Variants in RSRC2 observed in about 807,000 individuals in gnomAD.
RSRC2 encodes arginine and serine rich coiled-coil 2.
RSRC2 carries 5 observed loss-of-function variants against 61.3 expected under a neutral mutation model. The observed-to-expected ratio is 0.08, with a 90% confidence interval of 0.04 to 0.17. The LOEUF (loss-of-function observed/expected upper bound fraction) is 0.17. RSRC2 is among the 10% of genes least tolerant of loss of function. The pLI is 1.00. For missense variants in RSRC2, 381 were observed against 518.8 expected (o/e 0.73, Z 2.58); for synonymous variants, 202 against 166.5 (o/e 1.21, Z -1.64).
chr12:122,508,783 C>A (rs1457605363), intron 7 of RSRC2, among the ~76,000 whole-genome samples: 1 of 151,832 alleles, frequency 6.6e-6, no homozygotes, highest in South Asian at 2.1e-4. Flanking sequence ...ATGGAGAAAC[C>A]CCGTCTCTAC....
intron 5 of RSRC2, 44 bp downstream of exon 5, chr12:122,517,179 ACTCT>A (rs1210981692): frequency 3.7e-6 from 6 of 1,609,770 alleles, no homozygotes; most frequent in Non-Finnish European, 5.1e-6. Flanking sequence ...AGATAAACAG[ACTCT>A]CTGAGGGTCC....
chr12:122,524,107 TTC>T (rs1282537275), intron 1 of RSRC2, among the ~76,000 whole-genome samples: 2 of 152,188 alleles, frequency 1.3e-5, no homozygotes, highest in Non-Finnish European at 1.5e-5. Flanking sequence ...GAGTTCAACT[TTC>T]TCGTTTCACA....
chr12:122,506,825 G>T lies in RSRC2; in HGVS notation c.1125+9C>A. On this transcript the variant is annotated intron_variant, in intron 9 of 9. Coordinates refer to ENST00000331738, the MANE Select transcript of RSRC2 (RefSeq NM_023012.6). Reference sequence around the variant, plus strand: ...AATACAAAGATCCCCTGGCACATGTGAAACTCACCTTAATACCCATCAATT... The same window carrying T: ...AATACAAAGATCCCCTGGCACATGTTAAACTCACCTTAATACCCATCAATT... 1 of 1,533,408 alleles carries T rather than the reference G, an allele frequency of 6.5e-7. No homozygotes were observed. Among genetic ancestry groups the T allele is most frequent in the Non-Finnish European group, 9.0e-7 (1 of 1,108,404 alleles). 95.0% of individuals were successfully genotyped at this position (1,533,408 alleles called of 1,614,324 possible). A position where few individuals can be genotyped will look rare whatever the true frequency, so the allele number is the denominator to read the frequency against.
At chr12:122,509,401 G>T (rs1958330044) in intron 7 of RSRC2, among the ~76,000 whole-genome samples, 2 of 150,882 alleles carry the variant, frequency 1.3e-5, no homozygotes, top group African/African-American at 4.9e-5. Context: ...TGTGAGTCAG[G>T]ATTGTGCCAC....
At chr12:122,522,032 C>T (rs1959268363) in intron 2 of RSRC2, 111 bp downstream of exon 2, 2 of 1,164,270 alleles carry the variant, frequency 1.7e-6, no homozygotes, top group African/African-American at 1.6e-5. Flanking sequence ...GCATTACAGG[C>T]TTGAGCCACC....
chr12:122,513,249 T>A (rs1029998994), intron 6 of RSRC2, among the ~76,000 whole-genome samples: 1 of 130,694 alleles, frequency 7.7e-6, no homozygotes, highest in South Asian at 2.4e-4. Flanking sequence ...ATAAATAAAA[T>A]AAAATAAAAA....
chr12:122,504,228 AG>A lies in RSRC2; in HGVS notation c.*1298del. 6.6e-6 allele frequency: 1 copy of A among 152,208 alleles called. No individual in the cohort carries two copies. The highest frequency in any genetic ancestry group is 6.5e-5 in the Admixed American group (1 of 15,278). 9.4% of individuals were successfully genotyped at this position (152,208 alleles called of 1,614,324 possible). ...TGATGTTTTCCAAAGGATTTTTCAA[AG>A]GAAAGCCAAACCTTATTACTTTGCT... On this transcript the variant is annotated 3_prime_UTR_variant, in exon 10 of 10. Transcript: ENST00000331738.
rs940032155 is a variant in RSRC2, at chr12:122,507,050, T to C, written c.1036-127A>G. 4 of 680,920 alleles carry C rather than the reference T, an allele frequency of 5.9e-6. No homozygotes were observed. In the Admixed American group the frequency reaches 7.1e-5, roughly 12 times the overall value. 42.2% of individuals were successfully genotyped at this position (680,920 alleles called of 1,614,324 possible). On this transcript the variant is annotated intron_variant, in intron 8 of 9. Transcript: ENST00000331738. ...TAGCATTCAATCAATGTAAGTTTAATTATTTCAAGACTTAAGAAACCACAA... is the reference window on the plus strand; with the variant it reads ...TAGCATTCAATCAATGTAAGTTTAACTATTTCAAGACTTAAGAAACCACAA...
intron 1 of RSRC2, among the ~76,000 whole-genome samples, 163 bp downstream of exon 1, chr12:122,526,685 C>T (rs1445148298): frequency 6.6e-6 from 1 of 152,026 alleles, no homozygotes; most frequent in Non-Finnish European, 1.5e-5. Context: ...CGCCTTACTT[C>T]CCCCTCCCTA....
intron 7 of RSRC2, among the ~76,000 whole-genome samples, chr12:122,509,479 A>G (rs140046763): frequency 2.8e-3 from 427 of 151,702 alleles, no homozygotes; most frequent in African/African-American, 9.1e-3. Flanking sequence ...AAAACAAAAA[A>G]AAACCCAAAA....
Position 122,520,051 on chromosome 12 carries a change from A to G in RSRC2, c.208-1022T>C, listed in dbSNP as rs567930288. The G allele has an allele frequency of 8.9e-5, 14 of 156,820 alleles. No individual in the cohort carries two copies. In the South Asian group the frequency reaches 2.4e-3, roughly 27 times the overall value. 9.7% of individuals were successfully genotyped at this position (156,820 alleles called of 1,614,324 possible). ...TACATGGGTGAGCTGAACCTTCCCCATGTTTTTCTGATGCCCACGCTACCA... is the reference window on the plus strand; with the variant it reads ...TACATGGGTGAGCTGAACCTTCCCCGTGTTTTTCTGATGCCCACGCTACCA... On this transcript the variant is annotated intron_variant, in intron 3 of 9. Coordinates refer to ENST00000331738, the MANE Select transcript of RSRC2 (RefSeq NM_023012.6).
At chr12:122,518,592 C>A (rs1191101722) in intron 4 of RSRC2, among the ~76,000 whole-genome samples, 35 of 144,342 alleles carry the variant, frequency 2.4e-4, no homozygotes, top group South Asian at 2.2e-4. Flanking sequence ...GACTCCGTGT[C>A]AAAAAAAAAA....
At chr12:122,509,965 G>A (rs1362320206) in intron 7 of RSRC2, among the ~76,000 whole-genome samples, 1 of 152,004 alleles carries the variant, frequency 6.6e-6, no homozygotes, top group African/African-American at 2.4e-5. Flanking sequence ...GGGACTATAG[G>A]CACACACAAC....
At chr12:122,509,175 G>A (rs1025173579) in intron 7 of RSRC2, among the ~76,000 whole-genome samples, 2 of 151,914 alleles carry the variant, frequency 1.3e-5, no homozygotes, top group Admixed American at 1.3e-4. Context: ...AAGGCTGGGC[G>A]CAGTGGCTCA....
chr12:122,515,487 G>A (rs528475094), intron 5 of RSRC2, among the ~76,000 whole-genome samples: 1 of 152,220 alleles, frequency 6.6e-6, no homozygotes, highest in Admixed American at 6.5e-5. Context: ...TTAGCCTCCA[G>A]AGTACACAGG....
At chr12:122,515,320 G>C in intron 5 of RSRC2, 93 bp from the exon 6 acceptor site, 1 of 1,253,120 alleles carries the variant, frequency 8.0e-7, no homozygotes, top group Non-Finnish European at 1.1e-6. Context: ...AAATCCCAAC[G>C]ATACAAAAAC....
rs1960645725 is a variant in RSRC2, at chr12:122,526,931, C to G, written c.-78G>C. The G allele has an allele frequency of 6.4e-7, 1 of 1,554,118 alleles. No homozygotes were observed. The highest frequency in any genetic ancestry group is 8.9e-7 in the Non-Finnish European group (1 of 1,126,682). ...TACCGGCCGCTCCGAAGCTTCGCCTCAGACTAAATCGCTCGCGCGAGAGAC... is the reference window on the plus strand; with the variant it reads ...TACCGGCCGCTCCGAAGCTTCGCCTGAGACTAAATCGCTCGCGCGAGAGAC... On this transcript the variant is annotated 5_prime_UTR_variant, in exon 1 of 10. Coordinates refer to ENST00000331738, the MANE Select transcript of RSRC2 (RefSeq NM_023012.6).
intron 7 of RSRC2, 58 bp downstream of exon 7, chr12:122,511,051 A>C: frequency 7.5e-7 from 1 of 1,326,056 alleles, no homozygotes; most frequent in Non-Finnish European, 1.0e-6. Flanking sequence ...CCTGTGAAAA[A>C]CAAAAAAGCT....
chr12:122,526,156 T>G (rs1308385734), intron 1 of RSRC2: 1 of 152,166 alleles, frequency 6.6e-6, no homozygotes, highest in Non-Finnish European at 1.5e-5. Context: ...ACAAGGTCAG[T>G]GACAAGACTT....
Sources: allele counts gnomAD v4.1 joint callset (sites outside exome capture counted in the v4.1 genomes callset), GRCh38; gene constraint gnomAD v4.1.1; transcripts MANE v1.5; gene names NCBI Gene and HGNC (gene_info 2026-07-23, HGNC 2026-07-21).